FBXL17: variants seen among roughly 807,000 people sequenced by gnomAD.
The protein encoded by FBXL17 is F-box and leucine rich repeat protein 17, also known as F-box/LRR-repeat protein 17.
A neutral mutation model predicts 66.2 loss-of-function variants in FBXL17; 22 were observed. That is an observed-to-expected ratio of 0.33 (90% CI 0.24 to 0.47). The LOEUF is 0.47. FBXL17 is among the 20% of genes least tolerant of loss of function. The pLI is 1.00. For synonymous variants in FBXL17, 474 were observed against 400.5 expected (o/e 1.18, Z -2.19); for missense variants, 878 against 948.2 (o/e 0.93, Z 0.97).
chr5:108,366,373 G>T (rs1019360856), intron 2 of FBXL17, among the ~76,000 whole-genome samples: 2 of 151,938 alleles, frequency 1.3e-5, no homozygotes, highest in African/African-American at 4.8e-5. Flanking sequence ...AAATGCAAAT[G>T]AAATTTAGAA....
chr5:107,965,638 T>A (rs1752097212), intron 7 of FBXL17, among the ~76,000 whole-genome samples: 1 of 152,186 alleles, frequency 6.6e-6, no homozygotes. Context: ...AGAATGTTTC[T>A]CCCTCAAATA....
intron 8 of FBXL17, among the ~76,000 whole-genome samples, chr5:107,874,018 C>T (rs1214643186): frequency 6.6e-6 from 1 of 152,136 alleles, no homozygotes; most frequent in Non-Finnish European, 1.5e-5. Context: ...TGTTGATTTT[C>T]CTGAAAAAAC....
At chr5:108,069,703 T>C (rs1748255891) in intron 6 of FBXL17, among the ~76,000 whole-genome samples, 1 of 152,214 alleles carries the variant, frequency 6.6e-6, no homozygotes, top group Non-Finnish European at 1.5e-5. Flanking sequence ...GAAGAAAACG[T>C]CTTAACTTTT....
chr5:108,053,970 A>G (rs1037511788), intron 6 of FBXL17, among the ~76,000 whole-genome samples: 4 of 152,190 alleles, frequency 2.6e-5, no homozygotes, highest in Non-Finnish European at 5.9e-5. Context: ...AGGGACATGG[A>G]TGAAGCTGGA....
At position 108,011,061 on chromosome 5, in the gene FBXL17, A is replaced by T. The variant is rs189459964; in HGVS notation, c.1822+9864T>A. Among the ~76,000 whole-genome samples the T allele has an allele frequency of 2.0e-5, 3 of 152,344 alleles. No homozygotes were observed. In the East Asian group the frequency reaches 5.8e-4, roughly 29 times the overall value. ...AATGTGACTCTAATCTGTGATAAAC[A>T]TACAATATAATGAATTATTTTAATG... On this transcript the variant is annotated intron_variant, in intron 7 of 8. Transcript: ENST00000542267.
chr5:108,218,429 T>A (rs1303511204), intron 5 of FBXL17, among the ~76,000 whole-genome samples: 1 of 152,192 alleles, frequency 6.6e-6, no homozygotes, highest in Non-Finnish European at 1.5e-5. Context: ...TTTATATCCT[T>A]TGGATACATA....
At chr5:108,299,360 A>G (rs894452694) in intron 4 of FBXL17, 13 of 984,334 alleles carry the variant, frequency 1.3e-5, no homozygotes, top group Non-Finnish European at 1.4e-5. Flanking sequence ...GTACATACAT[A>G]GTACAGTTTT....
intron 4 of FBXL17, among the ~76,000 whole-genome samples, chr5:108,304,817 A>C (rs1195120908): frequency 6.6e-6 from 1 of 151,974 alleles, no homozygotes; most frequent in African/African-American, 2.4e-5. Context: ...TACTTGATTA[A>C]AAACTAAAAA....
At chr5:108,099,058 T>G (rs1749501092) in intron 6 of FBXL17, among the ~76,000 whole-genome samples, 1 of 152,178 alleles carries the variant, frequency 6.6e-6, no homozygotes, top group South Asian at 2.1e-4. Flanking sequence ...TACCAGCAAC[T>G]ACTTTATATT....
intron 7 of FBXL17, among the ~76,000 whole-genome samples, chr5:107,945,911 T>C (rs1751263838): frequency 6.6e-6 from 1 of 152,120 alleles, no homozygotes; most frequent in Non-Finnish European, 1.5e-5. Context: ...AAACTCACTT[T>C]TAAGACAACC....
intron 5 of FBXL17, among the ~76,000 whole-genome samples, chr5:108,187,539 GT>G (rs146286332): frequency 0.013 from 2,013 of 152,258 alleles, 51 homozygotes; most frequent in African/African-American, 0.047. Context: ...AACAGGAGAT[GT>G]TTCAATCATG....
intron 4 of FBXL17, among the ~76,000 whole-genome samples, chr5:108,259,828 T>C (rs143990607): frequency 6.6e-6 from 1 of 152,230 alleles, no homozygotes; most frequent in Non-Finnish European, 1.5e-5. Flanking sequence ...AGCAATAGAT[T>C]ATTATTTTTA....
intron 7 of FBXL17, among the ~76,000 whole-genome samples, chr5:107,917,848 A>G (rs1314999957): frequency 6.6e-6 from 1 of 152,230 alleles, no homozygotes; most frequent in African/African-American, 2.4e-5. Flanking sequence ...AGGAGAAGAA[A>G]AAGGAAAAAA....
chr5:108,309,528 A>G (rs1316175013), intron 4 of FBXL17, among the ~76,000 whole-genome samples: 1 of 152,056 alleles, frequency 6.6e-6, no homozygotes, highest in Non-Finnish European at 1.5e-5. Flanking sequence ...TAATATAGAA[A>G]GCAAGAGAAA....
intron 6 of FBXL17, among the ~76,000 whole-genome samples, chr5:108,121,751 G>T (rs903730317): frequency 6.6e-6 from 1 of 152,092 alleles, no homozygotes; most frequent in Non-Finnish European, 1.5e-5. Context: ...TAGAGAGGGG[G>T]TTTCACTGTG....
In FBXL17 at chr5:108,209,905, T is replaced by C. The variant is rs376910150; in HGVS notation, c.1614+14216A>G. On this transcript the variant is annotated intron_variant, in intron 5 of 8. Coordinates refer to ENST00000542267, the MANE Select transcript of FBXL17 (RefSeq NM_001163315.3). ...AAATGGTACCAGCTCCTCTTTGTAC[T>C]TCTGGTAGAATGCTGCTGTGAATCC... 3.3e-5 allele frequency among the ~76,000 whole-genome samples: 5 copies of C among 152,272 alleles called. No homozygotes were observed. In the South Asian group the frequency reaches 1.0e-3, roughly 32 times the overall value.
intron 7 of FBXL17, among the ~76,000 whole-genome samples, chr5:108,010,025 A>C (rs1165248589): frequency 6.6e-6 from 1 of 152,130 alleles, no homozygotes; most frequent in Non-Finnish European, 1.5e-5. Context: ...TCTTACTTAT[A>C]TATTGAGAGA....
At chr5:107,935,771 C>A (rs1316558898) in intron 7 of FBXL17, among the ~76,000 whole-genome samples, 1 of 152,064 alleles carries the variant, frequency 6.6e-6, no homozygotes, top group African/African-American at 2.4e-5. Flanking sequence ...ACCAGCTTGT[C>A]CAATAGGTTC....
chr5:108,218,839 A>G (rs1044423419), intron 5 of FBXL17, among the ~76,000 whole-genome samples: 4 of 152,120 alleles, frequency 2.6e-5, no homozygotes, highest in Non-Finnish European at 5.9e-5. Context: ...TCCTTATCAG[A>G]TATATGGTTT....
Sources: allele counts gnomAD v4.1 joint callset (sites outside exome capture counted in the v4.1 genomes callset), GRCh38; gene constraint gnomAD v4.1.1; transcripts MANE v1.5; gene names NCBI Gene and HGNC (gene_info 2026-07-23, HGNC 2026-07-21).